The following KIF26B variants were observed in gnomAD, a reference collection of about 807,000 sequenced individuals.
KIF26B encodes kinesin-like protein KIF26B.
KIF26B carries 63 observed loss-of-function variants against 151.2 expected under a neutral mutation model. That is an observed-to-expected ratio of 0.42 (90% CI 0.34 to 0.51). KIF26B has a LOEUF of 0.51. Ranked by LOEUF, KIF26B falls within the 20% of genes least tolerant of loss-of-function variation. The pLI is 0.07. For missense variants in KIF26B, 2,813 were observed against 2,913.6 expected (o/e 0.97, Z 0.79); for synonymous variants, 1,357 against 1,262.1 (o/e 1.08, Z -1.59).
chr1:245,274,582 G>A (rs1670908415), intron 2 of KIF26B, among the ~76,000 whole-genome samples: 1 of 152,160 alleles, frequency 6.6e-6, no homozygotes, highest in African/African-American at 2.4e-5. Flanking sequence ...TGGCTGCATA[G>A]TATTCCATGG....
At chr1:245,699,889 A>G (rs999218636) in intron 14 of KIF26B, among the ~76,000 whole-genome samples, 3 of 152,146 alleles carry the variant, frequency 2.0e-5, no homozygotes, top group Non-Finnish European at 2.9e-5. Flanking sequence ...CTGGAAGCTT[A>G]GGTTTATGTT....
chr1:245,592,492 C>T (rs1208389070), intron 5 of KIF26B, among the ~76,000 whole-genome samples: 1 of 152,156 alleles, frequency 6.6e-6, no homozygotes, highest in African/African-American at 2.4e-5. Flanking sequence ...ATGGGGCAAC[C>T]AAATGGAAGT....
At chr1:245,183,964 G>A (rs528132948) in intron 2 of KIF26B, among the ~76,000 whole-genome samples, 3 of 146,336 alleles carry the variant, frequency 2.1e-5, no homozygotes, top group Admixed American at 7.1e-5. Flanking sequence ...CCATCTCTCT[G>A]TTTTTGACTA....
At chr1:245,562,398 T>G (rs1263843175) in intron 5 of KIF26B, among the ~76,000 whole-genome samples, 1 of 152,162 alleles carries the variant, frequency 6.6e-6, no homozygotes, top group African/African-American at 2.4e-5. Flanking sequence ...GGGAGAAATT[T>G]ACCCAAAATT....
intron 4 of KIF26B, among the ~76,000 whole-genome samples, chr1:245,455,998 A>G (rs1659510039): frequency 6.6e-6 from 1 of 152,074 alleles, no homozygotes. Context: ...AAAAATTGAG[A>G]CTGTATCAGG....
rs1256463209 is a variant in KIF26B at position 245,331,178 on chromosome 1, C to T, written c.466-35656C>T. On this transcript the variant is annotated intron_variant, in intron 2 of 14. Coordinates refer to ENST00000407071, the MANE Select transcript of KIF26B (RefSeq NM_018012.4). Reference sequence around the variant, plus strand: ...GAGCCTGCTGCGGAGGCACAGGCTTCTCATTCCGCGCGAGTGACCGAGACA... The same window carrying T: ...GAGCCTGCTGCGGAGGCACAGGCTTTTCATTCCGCGCGAGTGACCGAGACA... Among the ~76,000 whole-genome samples, 36 of 152,056 alleles carry T rather than the reference C, an allele frequency of 2.4e-4. 1 individual carries two copies. The highest frequency in any genetic ancestry group is 2.4e-3 in the Admixed American group (36 of 15,268).
At chr1:245,344,079 C>A (rs187006871) in intron 2 of KIF26B, among the ~76,000 whole-genome samples, 1 of 138,112 alleles carries the variant, frequency 7.2e-6, no homozygotes, top group Non-Finnish European at 1.5e-5. Flanking sequence ...CTCCCTGCCT[C>A]GCTGCCTCCC....
At chr1:245,571,960 C>G (rs1312182975) in intron 5 of KIF26B, among the ~76,000 whole-genome samples, 1 of 152,218 alleles carries the variant, frequency 6.6e-6, no homozygotes, top group Non-Finnish European at 1.5e-5. Context: ...TCCCTCTTTA[C>G]TCTGCCTTGA....
intron 3 of KIF26B, among the ~76,000 whole-genome samples, chr1:245,409,366 G>A (rs1374354582): frequency 2.0e-5 from 3 of 152,172 alleles, no homozygotes; most frequent in African/African-American, 7.2e-5. Context: ...TTTATCTTCT[G>A]GCAATACAAA....
In KIF26B at chr1:245,611,677, C is replaced by A. The variant is rs10754457; in HGVS notation, c.1915-116C>A. The A allele has an allele frequency of 6.8e-6, 7 of 1,023,780 alleles. No individual in the cohort carries two copies. The African/African-American group carries it at 8.1e-5, about 12-fold the overall frequency. The allele number at this position is 1,023,780 out of a possible 1,614,324, so 63.4% of individuals were successfully genotyped here. Reference sequence around the variant, plus strand: ...AAGGGTTTTCAGCCTTAGAGGGGCACGTGGCTTTACTATACAGAACACACA... The same window carrying A: ...AAGGGTTTTCAGCCTTAGAGGGGCAAGTGGCTTTACTATACAGAACACACA... On this transcript the variant is annotated intron_variant, in intron 8 of 14. Coordinates refer to ENST00000407071, the MANE Select transcript of KIF26B (RefSeq NM_018012.4).
At chr1:245,209,988 T>C (rs547222198) in intron 2 of KIF26B, among the ~76,000 whole-genome samples, 61 of 152,318 alleles carry the variant, frequency 4.0e-4, no homozygotes, top group African/African-American at 1.4e-3. Flanking sequence ...GCTTACAGTG[T>C]GAGTGTTGGC....
chr1:245,637,632 T>C (rs1280569295), intron 9 of KIF26B, among the ~76,000 whole-genome samples: 2 of 151,976 alleles, frequency 1.3e-5, no homozygotes, highest in Non-Finnish European at 2.9e-5. Flanking sequence ...AGCAGTTTCA[T>C]AGTTTCAGGT....
intron 9 of KIF26B, among the ~76,000 whole-genome samples, chr1:245,635,103 T>TG (rs1019048166): frequency 2.0e-5 from 3 of 151,238 alleles, no homozygotes; most frequent in Admixed American, 6.6e-5. Context: ...TTTGTGTTTT[T>TG]TTTTTTTTTT....
At chr1:245,165,073 A>G (rs1668593537) in intron 2 of KIF26B, among the ~76,000 whole-genome samples, 1 of 3,616 alleles carries the variant, frequency 2.8e-4, no homozygotes, top group African/African-American at 3.0e-4. Context: ...TCCATCTTTA[A>G]AAAAAAAATA....
In KIF26B at chr1:245,611,855, C is replaced by T. The variant is rs377322149; in HGVS notation, c.1977C>T (p.Ala659=). The T allele has an allele frequency of 2.3e-5, 37 of 1,613,834 alleles. No individual in the cohort carries two copies. The highest frequency in any genetic ancestry group is 2.0e-4 in the African/African-American group (15 of 75,028). ...AGAAGGCTGCCTTTTTCCTGGATGCCGCCATTGCCTCCCGCAGGAGCCACC... is the reference window on the plus strand; with the variant it reads ...AGAAGGCTGCCTTTTTCCTGGATGCTGCCATTGCCTCCCGCAGGAGCCACC... ...TAEKAAFFLD[A]AIASRRSHQQ... Residue 659 remains alanine, a synonymous_variant, in exon 9 of 15, where the codon GCC becomes GCT. Transcript: ENST00000407071.
chr1:245,637,760 C>G (rs1472971148), intron 9 of KIF26B, among the ~76,000 whole-genome samples: 1 of 151,984 alleles, frequency 6.6e-6, no homozygotes, highest in African/African-American at 2.4e-5. Context: ...AAGAGATTGT[C>G]TTTTCCCCAA....
intron 8 of KIF26B, among the ~76,000 whole-genome samples, chr1:245,610,589 G>T (rs1323478973): frequency 1.3e-5 from 2 of 152,164 alleles, no homozygotes; most frequent in Non-Finnish European, 2.9e-5. Context: ...AGTAGGACTC[G>T]ACCCACTGCT....
At chr1:245,657,300 G>A (rs1460289221) in intron 10 of KIF26B, among the ~76,000 whole-genome samples, 2 of 152,074 alleles carry the variant, frequency 1.3e-5, no homozygotes, top group African/African-American at 4.8e-5. Context: ...TTTCTCCCAC[G>A]AGACCTTGTC....
chr1:245,586,887 C>T (rs528561299), intron 5 of KIF26B, among the ~76,000 whole-genome samples: 2 of 126,278 alleles, frequency 1.6e-5, no homozygotes, highest in African/African-American at 7.0e-5. Flanking sequence ...AGCGAGACTC[C>T]GTCTCAAAAA....
Sources: gnomAD v4.1 joint callset for allele counts (sites outside exome capture counted in the v4.1 genomes callset) on GRCh38, gnomAD v4.1.1 for gene constraint, MANE v1.5 for transcripts, NCBI Gene and HGNC (gene_info 2026-07-23, HGNC 2026-07-21) for gene names.